GPC6: variants seen among roughly 807,000 people sequenced by gnomAD.
GPC6 encodes glypican 6, also known as glypican-6.
Under a neutral mutation model 55.2 loss-of-function variants are expected in GPC6, and 14 were observed. The ratio of observed to expected loss-of-function variants is 0.25; its 90% CI spans 0.17 to 0.40. The LOEUF is 0.40. GPC6 is among the 10% of genes least tolerant of loss of function. The pLI is 1.00. For synonymous variants in GPC6, 278 were observed against 259.6 expected, an observed-to-expected ratio of 1.07 and a Z score of -0.68; for missense variants, 641 against 708.5, an observed-to-expected ratio of 0.90 and a Z score of 1.08.
chr13:94,284,531 C>CT (rs961073669), intron 4 of GPC6, among the ~76,000 whole-genome samples: 7 of 149,306 alleles, frequency 4.7e-5, no homozygotes, highest in Non-Finnish European at 1.0e-4. Flanking sequence ...TATCAGGTAG[C>CT]TTTTTTTCAA....
At chr13:93,642,721 G>A (rs1880006903) in intron 2 of GPC6, among the ~76,000 whole-genome samples, 1 of 151,986 alleles carries the variant, frequency 6.6e-6, no homozygotes, top group African/African-American at 2.4e-5. Flanking sequence ...TTTACTCATT[G>A]CTGACAATTT....
At chr13:93,642,833 A>G (rs1880014992) in intron 2 of GPC6, among the ~76,000 whole-genome samples, 1 of 152,140 alleles carries the variant, frequency 6.6e-6, no homozygotes, top group Admixed American at 6.6e-5. Flanking sequence ...GGCTTCTCTA[A>G]CAGTTTCATC....
intron 3 of GPC6, among the ~76,000 whole-genome samples, chr13:93,915,264 C>T (rs1351070089): frequency 6.6e-6 from 1 of 152,166 alleles, no homozygotes; most frequent in Admixed American, 6.5e-5. Flanking sequence ...CTATGTAGTA[C>T]ATACTAACAT....
chr13:94,290,611 A>G (rs1267860242), intron 5 of GPC6, among the ~76,000 whole-genome samples: 1 of 152,158 alleles, frequency 6.6e-6, no homozygotes, highest in African/African-American at 2.4e-5. Flanking sequence ...AATCAAGCTA[A>G]TTAACAAATG....
At chr13:94,337,819 ACAGAAAGCCCT>A (rs1165953448) in intron 6 of GPC6, among the ~76,000 whole-genome samples, 1 of 152,200 alleles carries the variant, frequency 6.6e-6, no homozygotes, top group Non-Finnish European at 1.5e-5. Context: ...GGGAGAAGAC[ACAGAAAGCCCT>A]CAGAACTGGG....
chr13:93,795,704 A>G (rs755751663), intron 2 of GPC6, among the ~76,000 whole-genome samples: 1 of 152,332 alleles, frequency 6.6e-6, no homozygotes, highest in East Asian at 1.9e-4. Flanking sequence ...TTCCATTTCA[A>G]ATATCTAGTT....
At chr13:93,223,212 C>T (rs1200151403), upstream of GPC6, among the ~76,000 whole-genome samples, 1 of 151,938 alleles carries the variant, frequency 6.6e-6, no homozygotes, top group Non-Finnish European at 1.5e-5. Flanking sequence ...ATGTGACTGA[C>T]AGGGGCTGCA....
At chr13:94,189,348 G>A (rs1028514861) in intron 4 of GPC6, among the ~76,000 whole-genome samples, 3 of 152,138 alleles carry the variant, frequency 2.0e-5, no homozygotes, top group Admixed American at 6.5e-5. Flanking sequence ...GCTGAGAAAC[G>A]AGGACTGTGT....
rs529785270 is a variant in GPC6 at position 93,979,928 on chromosome 13, G to C, written c.712-47801G>C. On this transcript the variant is annotated intron_variant, in intron 3 of 8. Transcript: ENST00000377047. The stretch of plus-strand genomic sequence containing the variant: ...GCACTCTTATAAACTATAAACTCCA[G>C]CCTTCTCAATTTGCAAATTAAAAAA... Among the ~76,000 whole-genome samples the C allele has an allele frequency of 5.9e-5, 9 of 151,992 alleles. No individual in the cohort carries two copies. The South Asian group carries it at 1.9e-3, about 32-fold the overall frequency.
intron 1 of GPC6, among the ~76,000 whole-genome samples, chr13:93,393,043 T>G (rs1172696790): frequency 6.7e-6 from 1 of 150,256 alleles, no homozygotes; most frequent in Non-Finnish European, 1.5e-5. Flanking sequence ...TTAATTAAAT[T>G]TGAGAGATAT....
chr13:94,146,186 T>C (rs975757183), intron 4 of GPC6, among the ~76,000 whole-genome samples: 2 of 152,162 alleles, frequency 1.3e-5, no homozygotes, highest in African/African-American at 4.8e-5. Context: ...AGGTGGAGTC[T>C]TCATGTTATC....
intron 2 of GPC6, among the ~76,000 whole-genome samples, chr13:93,816,924 TG>T (rs1886873625): frequency 6.6e-6 from 1 of 152,236 alleles, no homozygotes; most frequent in African/African-American, 2.4e-5. Context: ...CATTTGAATC[TG>T]GTGAAGCTTA....
intron 2 of GPC6, among the ~76,000 whole-genome samples, chr13:93,652,331 G>A (rs371984115): frequency 2.0e-5 from 3 of 151,960 alleles, no homozygotes; most frequent in African/African-American, 7.3e-5. Flanking sequence ...TCTCACTCTA[G>A]TCTCCACAAC....
intron 2 of GPC6, among the ~76,000 whole-genome samples, chr13:93,729,745 G>T (rs1883760557): frequency 6.6e-6 from 1 of 152,136 alleles, no homozygotes; most frequent in African/African-American, 2.4e-5. Context: ...GCTTACATAT[G>T]TGTGCACATG....
intron 4 of GPC6, among the ~76,000 whole-genome samples, chr13:94,134,452 A>C (rs1027587198): frequency 6.6e-6 from 1 of 152,224 alleles, no homozygotes; most frequent in South Asian, 2.1e-4. Flanking sequence ...CCCCAGAAGA[A>C]TGTGTCCCCC....
At chr13:94,175,081 A>G (rs1328757053) in intron 4 of GPC6, among the ~76,000 whole-genome samples, 1 of 152,132 alleles carries the variant, frequency 6.6e-6, no homozygotes, top group Non-Finnish European at 1.5e-5. Context: ...AACTTCTTAT[A>G]AATGAAATTA....
chr13:93,873,195 G>T (rs1009075240), intron 3 of GPC6, among the ~76,000 whole-genome samples: 1 of 151,562 alleles, frequency 6.6e-6, no homozygotes, highest in African/African-American at 2.4e-5. Context: ...TGTTCACATT[G>T]CTATTTGCCA....
intron 4 of GPC6, among the ~76,000 whole-genome samples, chr13:94,159,409 A>G (rs1378522694): frequency 6.6e-6 from 1 of 152,210 alleles, no homozygotes; most frequent in African/African-American, 2.4e-5. Flanking sequence ...CAATCATGGC[A>G]GAAGGCAAAC....
At chr13:93,676,120 AAAAAAAATATATATATATATATATAT>A (rs1344038466) in intron 2 of GPC6, among the ~76,000 whole-genome samples, 1 of 13,290 alleles carries the variant, frequency 7.5e-5, no homozygotes, top group African/African-American at 1.9e-4. Context: ...AAAAAAAAAA[AAAAAAAATATATATATATATATATAT>A]ATATATATAT....
Sources: gnomAD v4.1 joint callset for allele counts (sites outside exome capture counted in the v4.1 genomes callset) on GRCh38, gnomAD v4.1.1 for gene constraint, MANE v1.5 for transcripts, NCBI Gene and HGNC (gene_info 2026-07-23, HGNC 2026-07-21) for gene names.